Variants in WWOX observed in about 807,000 individuals in gnomAD.
The protein encoded by WWOX is WW domain-containing oxidoreductase.
WWOX carries 69 observed loss-of-function variants against 46.2 expected under a neutral mutation model. That is an observed-to-expected ratio of 1.49 (90% CI 1.23 to 1.82). The LOEUF is 1.82. Among genes scored for constraint, WWOX ranks in the 40% most tolerant of loss-of-function variants. The pLI is 0.00. For synonymous variants in WWOX, 359 were observed against 202.6 expected, an observed-to-expected ratio of 1.77 and a Z score of -6.56; for missense variants, 919 against 542.6, an observed-to-expected ratio of 1.69 and a Z score of -6.89.
chr16:78,502,440 G>A (rs1330368623), intron 8 of WWOX, among the ~76,000 whole-genome samples: 1 of 152,166 alleles, frequency 6.6e-6, no homozygotes, highest in African/African-American at 2.4e-5. Flanking sequence ...TGATATGTTA[G>A]TCGTCTCTTG....
In WWOX at chr16:78,263,658, AC is replaced by A. The variant is rs369549454; in HGVS notation, c.516+99371del. On this transcript the variant is annotated intron_variant, in intron 5 of 8. Coordinates refer to ENST00000566780, the MANE Select transcript of WWOX (RefSeq NM_016373.4). ...GAGAGAAAGAAAAGAAAGAAGTGCC[AC>A]CAGTCCATTTTGTTCCACTCAAATG... Among the ~76,000 whole-genome samples, 49 of 152,282 alleles carry A rather than the reference AC, an allele frequency of 3.2e-4. 1 individual carries two copies. Among genetic ancestry groups the A allele is most frequent in the African/African-American group, 1.2e-3 (48 of 41,576 alleles).
At chr16:79,036,840 G>T (rs2047876636) in intron 8 of WWOX, among the ~76,000 whole-genome samples, 1 of 152,196 alleles carries the variant, frequency 6.6e-6, no homozygotes, top group African/African-American at 2.4e-5. Context: ...TTAGCATCAG[G>T]TATTTTAGAC....
chr16:78,993,857 C>T (rs373200201), intron 8 of WWOX, among the ~76,000 whole-genome samples: 13 of 152,298 alleles, frequency 8.5e-5, no homozygotes, highest in Middle Eastern at 3.4e-3. Flanking sequence ...CGGCGGAGCC[C>T]GCTGGTCGGT....
intron 8 of WWOX, among the ~76,000 whole-genome samples, chr16:79,104,397 G>A (rs1169006633): frequency 6.6e-6 from 1 of 152,086 alleles, no homozygotes; most frequent in Non-Finnish European, 1.5e-5. Flanking sequence ...GAATTTTACA[G>A]CGAACCACCA....
intron 8 of WWOX, among the ~76,000 whole-genome samples, chr16:78,562,049 C>T (rs899301036): frequency 1.3e-5 from 2 of 152,260 alleles, no homozygotes; most frequent in Non-Finnish European, 2.9e-5. Context: ...TTTTTAGCCC[C>T]GTGGAGGCAT....
intron 8 of WWOX, among the ~76,000 whole-genome samples, chr16:79,051,658 A>G (rs564705890): frequency 6.6e-6 from 1 of 152,338 alleles, no homozygotes; most frequent in South Asian, 2.1e-4. Flanking sequence ...CATGCCAGCA[A>G]TTGAATTTGA....
intron 4 of WWOX, among the ~76,000 whole-genome samples, chr16:78,141,055 T>G (rs193030068): frequency 3.3e-5 from 5 of 152,322 alleles, no homozygotes; most frequent in Admixed American, 2.6e-4. Flanking sequence ...CAGAAGTAAT[T>G]GTTCTTTTGC....
At chr16:78,132,236 A>C (rs553093700) in intron 4 of WWOX, among the ~76,000 whole-genome samples, 77 of 147,176 alleles carry the variant, frequency 5.2e-4, no homozygotes, top group African/African-American at 7.0e-4. Flanking sequence ...CCGTGTTAGC[A>C]AGGATGGTCT....
chr16:78,467,305 TAC>T (rs1480446340), intron 8 of WWOX, among the ~76,000 whole-genome samples: 2 of 152,216 alleles, frequency 1.3e-5, no homozygotes, highest in East Asian at 1.9e-4. Context: ...TATACCCATA[TAC>T]ACACAGTCTA....
At chr16:78,579,593 G>A (rs892680931) in intron 8 of WWOX, among the ~76,000 whole-genome samples, 5 of 152,158 alleles carry the variant, frequency 3.3e-5, no homozygotes, top group Non-Finnish European at 5.9e-5. Flanking sequence ...TTAAGAAACA[G>A]AAGCCAGGAA....
intron 8 of WWOX, among the ~76,000 whole-genome samples, chr16:78,621,337 C>T (rs2046176105): frequency 1.3e-5 from 2 of 152,046 alleles, no homozygotes; most frequent in Non-Finnish European, 2.9e-5. Flanking sequence ...ACTCACCACC[C>T]ACCCAGTTCC....
intron 8 of WWOX, among the ~76,000 whole-genome samples, chr16:78,670,157 C>T (rs1226706728): frequency 1.3e-5 from 2 of 152,148 alleles, no homozygotes; most frequent in Non-Finnish European, 1.5e-5. Context: ...CTCTTATTCA[C>T]CCCTTATTCT....
At chr16:78,162,117 C>T (rs1463650892) in intron 4 of WWOX, among the ~76,000 whole-genome samples, 1 of 152,148 alleles carries the variant, frequency 6.6e-6, no homozygotes, top group East Asian at 1.9e-4. Context: ...TAGTGTGGGT[C>T]TATACGTGAC....
In WWOX at chr16:78,349,425, G is replaced by C. The variant is rs993662106; in HGVS notation, c.517-37435G>C. 1.7e-5 allele frequency among the ~76,000 whole-genome samples: 2 copies of C among 121,150 alleles called. 1 individual carries two copies. 79.5% of individuals were successfully genotyped at this position (121,150 alleles called of 152,430 possible). Reference sequence around the variant, plus strand: ...GGATGAGGCTATAACGAATACCACTGCCTAATGTTTGCACGGGGATATCAT... The same window carrying C: ...GGATGAGGCTATAACGAATACCACTCCCTAATGTTTGCACGGGGATATCAT... On this transcript the variant is annotated intron_variant, in intron 5 of 8. Coordinates refer to ENST00000566780, the MANE Select transcript of WWOX (RefSeq NM_016373.4).
At chr16:78,342,097 C>G (rs184272163) in intron 5 of WWOX, among the ~76,000 whole-genome samples, 1 of 120,994 alleles carries the variant, frequency 8.3e-6, no homozygotes. Flanking sequence ...ATTTAGGCAG[C>G]AGAATGAGAC....
intron 8 of WWOX, among the ~76,000 whole-genome samples, chr16:78,635,211 C>T (rs766298397): frequency 3.5e-4 from 54 of 152,148 alleles, no homozygotes; most frequent in Non-Finnish European, 7.5e-4. Flanking sequence ...GGGTCTGGCT[C>T]TGGGCTATTA....
At chr16:78,686,093 A>G (rs945729488) in intron 8 of WWOX, among the ~76,000 whole-genome samples, 1 of 152,186 alleles carries the variant, frequency 6.6e-6, no homozygotes, top group African/African-American at 2.4e-5. Flanking sequence ...AGATTGGGGA[A>G]AGACATTCAT....
chr16:78,521,658 C>T (rs1237388205), intron 8 of WWOX, among the ~76,000 whole-genome samples: 2 of 152,100 alleles, frequency 1.3e-5, no homozygotes, highest in Non-Finnish European at 2.9e-5. Flanking sequence ...ATATTGGTTC[C>T]CAGTCTAGTT....
chr16:79,170,515 C>G (rs1486527392), intron 8 of WWOX, among the ~76,000 whole-genome samples: 2 of 152,122 alleles, frequency 1.3e-5, no homozygotes, highest in East Asian at 1.9e-4. Context: ...GTTTCATACC[C>G]TAAATTATGC....
Sources: allele counts gnomAD v4.1 joint callset (sites outside exome capture counted in the v4.1 genomes callset), GRCh38; gene constraint gnomAD v4.1.1; transcripts MANE v1.5; gene names NCBI Gene and HGNC (gene_info 2026-07-23, HGNC 2026-07-21).